The following EPHA6 variants were observed in gnomAD, a reference collection of about 807,000 sequenced individuals.
EPHA6 encodes EPH receptor A6, also known as ephrin type-A receptor 6.
A neutral mutation model predicts 112.0 loss-of-function variants in EPHA6; 50 were observed. The ratio of observed to expected loss-of-function variants is 0.45; its 90% CI spans 0.36 to 0.56. The LOEUF (loss-of-function observed/expected upper bound fraction) is 0.56. EPHA6 is among the 20% of genes least tolerant of loss of function. The probability of loss-of-function intolerance (pLI) is 0.00; values close to 1 mark genes in which losing one functional copy is unlikely to be tolerated. For synonymous variants in EPHA6, 529 were observed against 490.7 expected (o/e 1.08, Z -1.03); for missense variants, 1,280 against 1,417.4 (o/e 0.90, Z 1.56).
At chr3:96,902,383 C>T (rs530332820) in intron 2 of EPHA6, among the ~76,000 whole-genome samples, 5 of 152,208 alleles carry the variant, frequency 3.3e-5, no homozygotes, top group African/African-American at 1.2e-4. Flanking sequence ...ATGTAATTAT[C>T]ACTTACCACT....
At chr3:97,054,957 T>A (rs544684336) in intron 3 of EPHA6, among the ~76,000 whole-genome samples, 3 of 152,250 alleles carry the variant, frequency 2.0e-5, no homozygotes, top group Admixed American at 6.5e-5. Context: ...TCTTAAAAAT[T>A]TCCCCCCTTT....
intron 6 of EPHA6, among the ~76,000 whole-genome samples, chr3:97,407,380 T>A (rs1470668124): frequency 7.1e-6 from 1 of 141,326 alleles, no homozygotes; most frequent in Admixed American, 6.8e-5. Flanking sequence ...ACACACCTTT[T>A]TAAAATACCT....
At chr3:97,691,038 T>C (rs1300008500) in intron 14 of EPHA6, among the ~76,000 whole-genome samples, 2 of 152,192 alleles carry the variant, frequency 1.3e-5, no homozygotes, top group African/African-American at 2.4e-5. Context: ...AAATTAACTA[T>C]TGTGTTTTCA....
At position 97,635,535 on chromosome 3, in the gene EPHA6, G is replaced by A. The variant is rs2093937727; in HGVS notation, c.2575-2338G>A. On this transcript the variant is annotated intron_variant, in intron 13 of 17. Coordinates refer to ENST00000389672, the MANE Select transcript of EPHA6 (RefSeq NM_001080448.3). Reference sequence around the variant, plus strand: ...AACCTTGGAAACATACTAGGTGAAAGAAGACAGTCACAAAAGACCACATAT... The same window carrying A: ...AACCTTGGAAACATACTAGGTGAAAAAAGACAGTCACAAAAGACCACATAT... Among the ~76,000 whole-genome samples the A allele has an allele frequency of 2.6e-5, 4 of 152,040 alleles. No individual in the cohort carries two copies. The South Asian group carries it at 8.3e-4, about 31-fold the overall frequency.
At chr3:97,148,634 T>A (rs1472938789) in intron 3 of EPHA6, among the ~76,000 whole-genome samples, 1 of 152,072 alleles carries the variant, frequency 6.6e-6, no homozygotes, top group Non-Finnish European at 1.5e-5. Context: ...CTATTTTATA[T>A]TAAAATTTTA....
At chr3:97,690,456 T>C (rs2032581760) in intron 14 of EPHA6, among the ~76,000 whole-genome samples, 1 of 152,078 alleles carries the variant, frequency 6.6e-6, no homozygotes, top group South Asian at 2.1e-4. Context: ...TGGAACAATG[T>C]CTACTTTTCG....
chr3:97,497,135 A>G (rs1204968646), intron 10 of EPHA6, among the ~76,000 whole-genome samples: 2 of 152,160 alleles, frequency 1.3e-5, no homozygotes, highest in African/African-American at 4.8e-5. Context: ...TGGAAATGTA[A>G]ACCAGATTGT....
chr3:96,835,382 A>G (rs2034346354), intron 1 of EPHA6, among the ~76,000 whole-genome samples: 1 of 152,092 alleles, frequency 6.6e-6, no homozygotes, highest in Non-Finnish European at 1.5e-5. Context: ...GACTTTGTAT[A>G]GGACGTGAAG....
At chr3:97,285,427 A>G (rs953069327) in intron 5 of EPHA6, among the ~76,000 whole-genome samples, 5 of 152,042 alleles carry the variant, frequency 3.3e-5, no homozygotes, top group Non-Finnish European at 5.9e-5. Context: ...CTCTACCTCC[A>G]TGAGATCAAT....
intron 2 of EPHA6, among the ~76,000 whole-genome samples, chr3:96,889,431 G>A (rs9875990): frequency 0.12 from 17,772 of 152,126 alleles, 1,914 homozygotes; most frequent in Admixed American, 0.24. Context: ...GGCTAAGGAG[G>A]CCTCACAGTC....
intron 3 of EPHA6, among the ~76,000 whole-genome samples, chr3:97,099,130 G>A (rs2047331156): frequency 6.6e-6 from 1 of 151,868 alleles, no homozygotes; most frequent in Non-Finnish European, 1.5e-5. Context: ...AATTATTCCA[G>A]TGAATTGAAG....
At chr3:97,153,007 G>T (rs1379647714) in intron 3 of EPHA6, among the ~76,000 whole-genome samples, 1 of 152,014 alleles carries the variant, frequency 6.6e-6, no homozygotes, top group African/African-American at 2.4e-5. Context: ...ATCATTCTGA[G>T]AACCTAAATA....
intron 2 of EPHA6, among the ~76,000 whole-genome samples, chr3:96,918,897 A>G (rs1364675268): frequency 1.3e-5 from 2 of 152,016 alleles, no homozygotes; most frequent in Non-Finnish European, 2.9e-5. Flanking sequence ...GTTTGTAGCT[A>G]TAAAACTTAA....
chr3:97,098,524 T>A (rs1371133940), intron 3 of EPHA6, among the ~76,000 whole-genome samples: 1 of 151,790 alleles, frequency 6.6e-6, no homozygotes, highest in Non-Finnish European at 1.5e-5. Flanking sequence ...AACAGAAGGA[T>A]TTGAGTACAT....
intron 3 of EPHA6, among the ~76,000 whole-genome samples, chr3:97,164,005 G>T (rs1004575238): frequency 3.9e-5 from 6 of 152,160 alleles, no homozygotes; most frequent in African/African-American, 9.6e-5. Flanking sequence ...ACACACAGAT[G>T]CCTTCAGGTT....
At chr3:97,348,954 A>C (rs1471883017) in intron 5 of EPHA6, among the ~76,000 whole-genome samples, 1 of 152,118 alleles carries the variant, frequency 6.6e-6, no homozygotes, top group Non-Finnish European at 1.5e-5. Context: ...AAATAATTAA[A>C]ATACCTTAAC....
intron 14 of EPHA6, among the ~76,000 whole-genome samples, chr3:97,647,292 G>T (rs301951): frequency 0.62 from 93,787 of 151,938 alleles, 29,102 homozygotes; most frequent in African/African-American, 0.7. Flanking sequence ...ACCAAATAAG[G>T]CATATAGTAA....
chr3:97,206,599 C>T (rs1448415615), intron 3 of EPHA6, among the ~76,000 whole-genome samples: 4 of 152,098 alleles, frequency 2.6e-5, no homozygotes, highest in South Asian at 2.1e-4. Flanking sequence ...GAAGCTGATT[C>T]GAGCTACTCT....
intron 2 of EPHA6, among the ~76,000 whole-genome samples, chr3:96,939,819 T>A (rs1366906559): frequency 6.6e-6 from 1 of 152,206 alleles, no homozygotes; most frequent in African/African-American, 2.4e-5. Context: ...TTCCCGTTGG[T>A]TTCAAAGAAC....
Sources: gnomAD v4.1 joint callset for allele counts (sites outside exome capture counted in the v4.1 genomes callset) on GRCh38, gnomAD v4.1.1 for gene constraint, MANE v1.5 for transcripts, NCBI Gene and HGNC (gene_info 2026-07-23, HGNC 2026-07-21) for gene names.